CPEB3: variants seen among roughly 807,000 people sequenced by gnomAD.
The protein encoded by CPEB3 is cytoplasmic polyadenylation element-binding protein 3.
Under a neutral mutation model 67.2 loss-of-function variants are expected in CPEB3, and 20 were observed. The observed-to-expected ratio is 0.30, with a 90% CI of 0.21 to 0.43. The LOEUF (loss-of-function observed/expected upper bound fraction) is 0.43. Among genes scored for constraint, CPEB3 ranks in the 20% least tolerant of loss-of-function variants. The pLI is 1.00. For synonymous variants in CPEB3, 376 were observed against 393.1 expected, an observed-to-expected ratio of 0.96 and a Z score of 0.51; for missense variants, 746 against 968.6, an observed-to-expected ratio of 0.77 and a Z score of 3.05.
At chr10:92,279,336 C>T (rs1269698965) in intron 1 of CPEB3, among the ~76,000 whole-genome samples, 4 of 152,182 alleles carry the variant, frequency 2.6e-5, no homozygotes, top group African/African-American at 4.8e-5. Flanking sequence ...CTTTCTGACA[C>T]GTTCCCAAAA....
intron 8 of CPEB3, among the ~76,000 whole-genome samples, chr10:92,084,068 G>C (rs1018865342): frequency 6.6e-6 from 1 of 151,690 alleles, no homozygotes; most frequent in African/African-American, 2.4e-5. Flanking sequence ...GGGAGGCTGA[G>C]GGAAGAGAAT....
chr10:92,058,692 G>A (rs1026548879), intron 9 of CPEB3, among the ~76,000 whole-genome samples: 38 of 151,746 alleles, frequency 2.5e-4, no homozygotes, highest in Middle Eastern at 6.8e-3. Context: ...GATAGGCTCC[G>A]ATACAATAAT....
At chr10:92,270,031 T>C (rs1020623596) in intron 1 of CPEB3, among the ~76,000 whole-genome samples, 1 of 11,788 alleles carries the variant, frequency 8.5e-5, no homozygotes, top group Non-Finnish European at 1.9e-4. Flanking sequence ...CAAGTTGTTA[T>C]GGGGGGTGGG....
chr10:92,227,589 ATTTT>A (rs1377304093), intron 2 of CPEB3, among the ~76,000 whole-genome samples: 1 of 148,112 alleles, frequency 6.8e-6, no homozygotes, highest in Non-Finnish European at 1.5e-5. Context: ...TACTTATTTT[ATTTT>A]TTTCTTTTTT....
At position 92,218,482 on chromosome 10, in the gene CPEB3, CTT is replaced by C. The variant is rs558286140; in HGVS notation, c.1005+20862_1005+20863del. The stretch of plus-strand genomic sequence containing the variant: ...TTTGACTTTTAGATCACTGATACGA[CTT>C]TGCCATTACATGGCCAATTGAAAAT... On this transcript the variant is annotated intron_variant, in intron 2 of 9. Coordinates refer to ENST00000265997, the MANE Select transcript of CPEB3 (RefSeq NM_014912.5). Among the ~76,000 whole-genome samples the C allele has an allele frequency of 3.1e-4, 47 of 152,334 alleles. No homozygotes were observed. In the East Asian group the frequency reaches 8.1e-3, roughly 26 times the overall value.
chr10:92,199,786 G>A (rs1809581611), intron 2 of CPEB3, among the ~76,000 whole-genome samples: 1 of 150,878 alleles, frequency 6.6e-6, no homozygotes, highest in African/African-American at 2.4e-5. Flanking sequence ...TGGGAAATAT[G>A]TCAGGTCCCT....
intron 6 of CPEB3, among the ~76,000 whole-genome samples, chr10:92,139,714 G>C (rs1846301576): frequency 6.6e-6 from 1 of 152,118 alleles, no homozygotes. Context: ...ACAAAGAAAT[G>C]ATAAATGCTT....
chr10:92,252,576 T>C (rs1347884766), intron 1 of CPEB3, among the ~76,000 whole-genome samples: 3 of 152,174 alleles, frequency 2.0e-5, no homozygotes, highest in Non-Finnish European at 2.9e-5. Context: ...GAGGGACTCA[T>C]ATAATGGAAT....
At chr10:92,209,550 A>G (rs1849967173) in intron 2 of CPEB3, among the ~76,000 whole-genome samples, 1 of 152,238 alleles carries the variant, frequency 6.6e-6, no homozygotes, top group Non-Finnish European at 1.5e-5. Context: ...AACAAACAAA[A>G]AAGACTTTTT....
chr10:92,236,873 G>A (rs1187517833), intron 2 of CPEB3, among the ~76,000 whole-genome samples: 1 of 152,054 alleles, frequency 6.6e-6, no homozygotes, highest in Non-Finnish European at 1.5e-5. Flanking sequence ...GGGTAGAATG[G>A]GTTTCTTTAA....
intron 7 of CPEB3, among the ~76,000 whole-genome samples, chr10:92,098,445 A>G (rs1247942033): frequency 6.6e-6 from 1 of 151,924 alleles, no homozygotes; most frequent in African/African-American, 2.4e-5. Context: ...AGTAGCTGGG[A>G]TTACAAGGCA....
At chr10:92,218,822 T>C (rs1850560560) in intron 2 of CPEB3, among the ~76,000 whole-genome samples, 1 of 152,096 alleles carries the variant, frequency 6.6e-6, no homozygotes, top group Non-Finnish European at 1.5e-5. Context: ...TCTTTTTTTT[T>C]TTCTCTTTTC....
Position 92,240,122 on chromosome 10 carries a change from G to A in CPEB3, c.229C>T (p.Leu77Phe). ...GPDKMQMESP[L>F]LPGLSFHQPP... ...TGATGGAAACTCAAGCCTGGCAGGAGCGGTGATTCCATCTGCATCTTGTCC... is the reference window on the plus strand; with the variant it reads ...TGATGGAAACTCAAGCCTGGCAGGAACGGTGATTCCATCTGCATCTTGTCC... Residue 77 changes from leucine to phenylalanine, a missense_variant, in exon 2 of 10, where the codon CTC becomes TTC. This residue lies in a region of CPEB3 where 643 missense variants were observed against 717.5 expected (regional missense o/e 0.90). Transcript: ENST00000265997. 2 of 1,574,880 alleles carry A rather than the reference G, an allele frequency of 1.3e-6. No homozygotes were observed. The highest frequency in any genetic ancestry group is 1.7e-6 in the Non-Finnish European group (2 of 1,159,846).
intron 6 of CPEB3, among the ~76,000 whole-genome samples, chr10:92,126,616 A>C (rs1845619323): frequency 3.3e-5 from 5 of 152,242 alleles, no homozygotes; most frequent in Admixed American, 3.3e-4. Context: ...TTAAGATGCT[A>C]ATTTTAATAT....
intron 7 of CPEB3, among the ~76,000 whole-genome samples, chr10:92,104,986 G>A (rs551740793): frequency 1.3e-5 from 2 of 151,510 alleles, no homozygotes; most frequent in African/African-American, 4.8e-5. Context: ...CTGCAGCCTC[G>A]GACTCCTGAC....
intron 3 of CPEB3, among the ~76,000 whole-genome samples, chr10:92,184,024 T>C (rs1848578131): frequency 1.3e-5 from 2 of 152,216 alleles, no homozygotes; most frequent in African/African-American, 4.8e-5. Context: ...TGGATCCTTT[T>C]TGACCCTTTC....
chr10:92,250,701 T>C (rs1852255226), intron 1 of CPEB3, among the ~76,000 whole-genome samples: 1 of 151,884 alleles, frequency 6.6e-6, no homozygotes, highest in Admixed American at 6.6e-5. Flanking sequence ...TTTTGTTTGT[T>C]TGTTTTGAGA....
chr10:92,104,260 GT>G lies in CPEB3; in HGVS notation c.1572+6815del, dbSNP rs570221290. Among the ~76,000 whole-genome samples the G allele has an allele frequency of 1.4e-3, 218 of 152,140 alleles. 2 individuals carry two copies. Among genetic ancestry groups the G allele is most frequent in the African/African-American group, 4.6e-3 (191 of 41,530 alleles). ...TGTCGAAGATCCTCTCAAGAGATTA[GT>G]CTTTGATGGGACAAGTATTCTTCAG... On this transcript the variant is annotated intron_variant, in intron 7 of 9. Coordinates refer to ENST00000265997, the MANE Select transcript of CPEB3 (RefSeq NM_014912.5).
At chr10:92,103,166 G>C (rs575442784) in intron 7 of CPEB3, among the ~76,000 whole-genome samples, 32 of 152,240 alleles carry the variant, frequency 2.1e-4, no homozygotes, top group African/African-American at 7.2e-4. Context: ...TTGGTCACCA[G>C]TGGATGCCCA....
Sources: allele counts gnomAD v4.1 joint callset (sites outside exome capture counted in the v4.1 genomes callset), GRCh38; gene constraint gnomAD v4.1.1; regional missense constraint gnomAD v4.1.1; transcripts MANE v1.5; gene names NCBI Gene and HGNC (gene_info 2026-07-23, HGNC 2026-07-21).